The following PAPPA variants were observed in gnomAD, a reference collection of about 807,000 sequenced individuals.
The protein encoded by PAPPA is pappalysin 1, also known as pappalysin-1.
Under a neutral mutation model 164.0 loss-of-function variants are expected in PAPPA, and 60 were observed. That is an observed-to-expected ratio of 0.37 (90% confidence interval 0.30 to 0.45). PAPPA has a LOEUF of 0.45. PAPPA is among the 20% of genes least tolerant of loss of function. The pLI is 1.00. For missense variants in PAPPA, 1,782 were observed against 2,087.3 expected (o/e 0.85, Z 2.85); for synonymous variants, 875 against 814.1 (o/e 1.07, Z -1.27).
At chr9:116,156,350 A>ATATATATATGTGTATATATATATATGTG (rs1843605325) in intron 1 of PAPPA, among the ~76,000 whole-genome samples, 4 of 136,276 alleles carry the variant, frequency 2.9e-5, no homozygotes, top group African/African-American at 1.3e-4. Flanking sequence ...ATATATATGT[A>ATATATATATGTGTATATATATATATGTG]TATATATATA....
rs1470170244 is a variant in PAPPA, at chr9:116,231,760, C to CTTTTTTTTTT, written c.2234-3374_2234-3373insTTTTTTTTTT. On this transcript the variant is annotated intron_variant, in intron 6 of 21. Transcript: ENST00000328252. ...TAAACAGTGGTTTTTCTTTTCTTTT[C>CTTTTTTTTTT]TTTTTCTTTTTTTTTTTTGAGATGG... Among the ~76,000 whole-genome samples the CTTTTTTTTTT allele has an allele frequency of 3.5e-3, 10 of 2,824 alleles. 4 individuals carry two copies. Among genetic ancestry groups the CTTTTTTTTTT allele is most frequent in the Admixed American group, 0.014 (3 of 210 alleles). 1.9% of individuals were successfully genotyped at this position (2,824 alleles called of 152,430 possible). A position where few individuals can be genotyped will look rare whatever the true frequency, so the allele number is the denominator to read the frequency against.
chr9:116,337,539 G>A (rs1224313040), intron 13 of PAPPA, among the ~76,000 whole-genome samples: 3 of 152,048 alleles, frequency 2.0e-5, no homozygotes, highest in Non-Finnish European at 4.4e-5. Context: ...CTGGTTGTAG[G>A]AGAAACATCC....
chr9:116,272,792 T>C (rs1467146429), intron 9 of PAPPA, among the ~76,000 whole-genome samples: 2 of 152,170 alleles, frequency 1.3e-5, no homozygotes, highest in Admixed American at 1.3e-4. Flanking sequence ...TGGAAAGAAC[T>C]TTGGATTAAA....
At chr9:116,162,597 C>T (rs1189779450) in intron 1 of PAPPA, among the ~76,000 whole-genome samples, 2 of 152,198 alleles carry the variant, frequency 1.3e-5, no homozygotes, top group African/African-American at 2.4e-5. Flanking sequence ...CCAAGCTTCA[C>T]TTTTCCCCTC....
intron 10 of PAPPA, among the ~76,000 whole-genome samples, chr9:116,309,068 TTTTC>T (rs1283323504): frequency 3.3e-5 from 5 of 152,092 alleles, no homozygotes; most frequent in Admixed American, 6.5e-5. Flanking sequence ...GATGTGCATA[TTTTC>T]TTTCTTTTTT....
chr9:116,371,523 A>G (rs922523108), intron 19 of PAPPA, among the ~76,000 whole-genome samples: 2 of 152,224 alleles, frequency 1.3e-5, no homozygotes, highest in Admixed American at 6.5e-5. Context: ...TATAACACCC[A>G]TACACATACT....
chr9:116,158,432 CTATG>C (rs1280742570), intron 1 of PAPPA, among the ~76,000 whole-genome samples: 1 of 152,080 alleles, frequency 6.6e-6, no homozygotes, highest in African/African-American at 2.4e-5. Context: ...GCCAGGTTAC[CTATG>C]TGGAATCTCT....
chr9:116,373,439 A>AATT (rs2118670589), intron 19 of PAPPA: 1 of 152,214 alleles, frequency 6.6e-6, no homozygotes, highest in Non-Finnish European at 1.5e-5. Context: ...TAATAATAAT[A>AATT]ATAACTGATA....
intron 10 of PAPPA, among the ~76,000 whole-genome samples, chr9:116,311,226 T>C (rs1462217890): frequency 3.9e-5 from 6 of 152,136 alleles, no homozygotes; most frequent in Non-Finnish European, 7.4e-5. Context: ...GATTCTGGTA[T>C]TTGGATTCAA....
intron 9 of PAPPA, among the ~76,000 whole-genome samples, chr9:116,275,891 C>A (rs757972379): frequency 4.6e-5 from 7 of 152,138 alleles, no homozygotes; most frequent in Non-Finnish European, 8.8e-5. Context: ...TGTTATTATG[C>A]AACACCCTGG....
intron 10 of PAPPA, among the ~76,000 whole-genome samples, chr9:116,329,671 T>G (rs1022343710): frequency 3.3e-5 from 5 of 152,350 alleles, no homozygotes; most frequent in East Asian, 1.9e-4. Context: ...GACGTCATGA[T>G]GTACTTATCC....
chr9:116,363,907 G>GTGTT (rs1239887429), intron 18 of PAPPA, among the ~76,000 whole-genome samples: 1 of 152,204 alleles, frequency 6.6e-6, no homozygotes. Context: ...CAGCACTCTT[G>GTGTT]TGTTTAGCCC....
chr9:116,219,176 C>T (rs144336874), intron 4 of PAPPA, among the ~76,000 whole-genome samples: 140 of 152,306 alleles, frequency 9.2e-4, no homozygotes, highest in Non-Finnish European at 1.7e-3. Flanking sequence ...CCTTCCTGGT[C>T]GCCTGCCTGT....
chr9:116,334,936 A>G lies in PAPPA; in HGVS notation c.3473A>G (p.His1158Arg), dbSNP rs774756114. The stretch of plus-strand genomic sequence containing the variant: ...CATGACCTCAGCCAGCCCTTCTACC[A>G]CAGCCAGGCGGTACGTGTGAGCTTC... ...VVHDLSQPFY[H>R]SQAVRVSFSS... Residue 1158 changes from histidine to arginine, a missense_variant, in exon 13 of 22, where the codon CAC becomes CGC. Physicochemically the swap from His to Arg is conservative, Grantham distance 29. Coordinates refer to ENST00000328252, the MANE Select transcript of PAPPA (RefSeq NM_002581.5). The G allele has an allele frequency of 1.2e-5, 19 of 1,611,686 alleles. No individual in the cohort carries two copies. Among genetic ancestry groups the G allele is most frequent in the Non-Finnish European group, 1.5e-5 (18 of 1,179,720 alleles).
At chr9:116,314,083 T>G (rs1845757268) in intron 10 of PAPPA, among the ~76,000 whole-genome samples, 1 of 139,836 alleles carries the variant, frequency 7.2e-6, no homozygotes, top group South Asian at 2.5e-4. Flanking sequence ...TTTTTTTTTT[T>G]TTTTTTTGAG....
chr9:116,226,541 C>T (rs758986600), intron 5 of PAPPA, among the ~76,000 whole-genome samples: 12 of 152,170 alleles, frequency 7.9e-5, no homozygotes, highest in Non-Finnish European at 1.3e-4. Flanking sequence ...GGACATTTCT[C>T]GACGTCTTCC....
chr9:116,326,052 GTCTC>G (rs145568563), intron 10 of PAPPA, among the ~76,000 whole-genome samples: 33 of 150,964 alleles, frequency 2.2e-4, no homozygotes, highest in East Asian at 1.2e-3. Flanking sequence ...GGATCCAGGA[GTCTC>G]TCTCTCTCTC....
intron 10 of PAPPA, among the ~76,000 whole-genome samples, chr9:116,309,140 A>G (rs1160485197): frequency 6.6e-6 from 1 of 151,904 alleles, no homozygotes; most frequent in Non-Finnish European, 1.5e-5. Context: ...CGGTGGCACA[A>G]TCTCGGCTCA....
At chr9:116,234,116 C>T (rs891119668) in intron 6 of PAPPA, among the ~76,000 whole-genome samples, 1 of 152,114 alleles carries the variant, frequency 6.6e-6, no homozygotes, top group East Asian at 1.9e-4. Context: ...TCATGAGGCT[C>T]CCTTAAACAA....
Sources: gnomAD v4.1 joint callset for allele counts (sites outside exome capture counted in the v4.1 genomes callset) on GRCh38, gnomAD v4.1.1 for gene constraint, MANE v1.5 for transcripts, NCBI Gene and HGNC (gene_info 2026-07-23, HGNC 2026-07-21) for gene names.